Variants in FAM167A observed in about 807,000 individuals in gnomAD.
FAM167A encodes protein FAM167A.
A neutral mutation model predicts 14.9 loss-of-function variants in FAM167A; 23 were observed. That is an observed-to-expected ratio of 1.55 (90% CI 1.11 to 2.19). FAM167A has a LOEUF of 2.19. FAM167A is among the 30% of genes most tolerant of loss of function. The pLI is 0.00. For missense variants in FAM167A, 401 were observed against 281.5 expected (o/e 1.42, Z -3.04); for synonymous variants, 174 against 117.7 (o/e 1.48, Z -3.10).
At chr8:11,443,964 C>G in intron 2 of FAM167A, 67 bp downstream of exon 2, 3 of 1,535,808 alleles carry the variant, frequency 2.0e-6, no homozygotes, top group African/African-American at 1.4e-5. Flanking sequence ...CAGAGAGAGA[C>G]AGAAAAAGAC....
intron 2 of FAM167A, among the ~76,000 whole-genome samples, chr8:11,428,110 C>A (rs555394637): frequency 7.5e-5 from 10 of 134,158 alleles, no homozygotes; most frequent in African/African-American, 3.1e-4. Flanking sequence ...AAACTAGGAA[C>A]CCTATGGTTT....
At chr8:11,464,623 C>T (rs1448896964) in intron 1 of FAM167A, among the ~76,000 whole-genome samples, 3 of 152,340 alleles carry the variant, frequency 2.0e-5, no homozygotes, top group East Asian at 3.9e-4. Context: ...GCGTGCTCTC[C>T]CACCCCTGGT....
At position 11,421,616 on chromosome 8, in the gene FAM167A, T is replaced by C. The variant is rs537421526; in HGVS notation, c.*2757A>G. ...AATAGCACTTGGTATTGCTACAGGGTGTGGGTCTTGAACTCGGTCAGGCAT... is the reference window on the plus strand; with the variant it reads ...AATAGCACTTGGTATTGCTACAGGGCGTGGGTCTTGAACTCGGTCAGGCAT... On this transcript the variant is annotated 3_prime_UTR_variant, in exon 3 of 3. Coordinates refer to ENST00000284486, the MANE Select transcript of FAM167A (RefSeq NM_053279.3). 5.0e-6 allele frequency: 2 copies of C among 398,468 alleles called. No individual in the cohort carries two copies. Among genetic ancestry groups the C allele is most frequent in the African/African-American group, 2.1e-5 (1 of 48,746 alleles). The allele number at this position is 398,468 out of a possible 1,614,324, so 24.7% of individuals were successfully genotyped here.
intron 1 of FAM167A, among the ~76,000 whole-genome samples, chr8:11,452,332 T>C (rs1389252104): frequency 1.3e-5 from 2 of 152,212 alleles, no homozygotes; most frequent in African/African-American, 4.8e-5. Flanking sequence ...CTGTGCAAAA[T>C]GGATACATGC....
rs995589732 is a variant in FAM167A, at chr8:11,462,383, A to G, written c.-398+4243T>C. 4.6e-5 allele frequency among the ~76,000 whole-genome samples: 7 copies of G among 152,330 alleles called. No individual in the cohort carries two copies. The South Asian group carries it at 1.2e-3, about 27-fold the overall frequency. ...AGGATTGTAATGGATCGTACCTCAC[A>G]GTCTTGGAAGGACCAAATGAGATCA... On this transcript the variant is annotated intron_variant, in intron 1 of 2. Coordinates refer to ENST00000284486, the MANE Select transcript of FAM167A (RefSeq NM_053279.3).
intron 2 of FAM167A, among the ~76,000 whole-genome samples, chr8:11,435,551 G>A (rs527570886): frequency 9.9e-5 from 15 of 152,278 alleles, no homozygotes; most frequent in Non-Finnish European, 1.6e-4. Context: ...TGTCTCCACG[G>A]CTGGGACAGT....
At chr8:11,428,372 G>A (rs138247169) in intron 2 of FAM167A, among the ~76,000 whole-genome samples, 7 of 152,282 alleles carry the variant, frequency 4.6e-5, no homozygotes, top group Admixed American at 3.3e-4. Flanking sequence ...AGTAAGGCCT[G>A]TGTCAGTTTC....
intron 1 of FAM167A, chr8:11,445,373 G>A (rs1208335569): frequency 3.0e-6 from 3 of 985,934 alleles, no homozygotes; most frequent in East Asian, 1.1e-4. Context: ...CTACATCCAG[G>A]TCTTACTCTA....
At chr8:11,453,342 A>G (rs1807100655) in intron 1 of FAM167A, among the ~76,000 whole-genome samples, 1 of 152,204 alleles carries the variant, frequency 6.6e-6, no homozygotes, top group South Asian at 2.1e-4. Flanking sequence ...CTGACTCTAA[A>G]TAACATTTTA....
chr8:11,442,665 G>A (rs1263733595), intron 2 of FAM167A, among the ~76,000 whole-genome samples: 1 of 151,906 alleles, frequency 6.6e-6, no homozygotes, highest in Non-Finnish European at 1.5e-5. Context: ...CTGTCCTGGG[G>A]CACTGTGCAT....
At chr8:11,427,213 C>A (rs977290194) in intron 2 of FAM167A, among the ~76,000 whole-genome samples, 1 of 152,178 alleles carries the variant, frequency 6.6e-6, no homozygotes. Context: ...CCTTGATGGG[C>A]CTCACAGCCA....
upstream of FAM167A, among the ~76,000 whole-genome samples, chr8:11,469,662 T>C (rs766544646): frequency 2.6e-5 from 4 of 151,876 alleles, no homozygotes; most frequent in South Asian, 2.1e-4. Context: ...AGCCCAGGAA[T>C]TGGAGACCAG....
rs1563349893 is a variant in FAM167A, at chr8:11,422,348, T to C, written c.*2025A>G. 6.9e-6 allele frequency: 1 copy of C among 145,354 alleles called. No homozygotes were observed. The highest frequency in any genetic ancestry group is 2.6e-5 in the African/African-American group (1 of 38,514). The allele number at this position is 145,354 out of a possible 1,614,324, so 9.0% of individuals were successfully genotyped here. On this transcript the variant is annotated 3_prime_UTR_variant, in exon 3 of 3. Coordinates refer to ENST00000284486, the MANE Select transcript of FAM167A (RefSeq NM_053279.3). ...GGGTTCAAGGATGTTTATGGCATGT[T>C]CTCTGTCGTGTGTGTGTGTGTGGGG...
rs757880277 is a variant in FAM167A at position 11,444,672 on chromosome 8, C to G, written c.-261G>C. On this transcript the variant is annotated 5_prime_UTR_variant, in exon 2 of 3. Transcript: ENST00000284486. ...TGTGGGTGCCATGCTCCACAGAAGG[C>G]AGGAACAGACAGCGTCGCAGGAATC... 1.6e-6 allele frequency: 2 copies of G among 1,252,870 alleles called. No individual in the cohort carries two copies. Among genetic ancestry groups the G allele is most frequent in the Non-Finnish European group, 1.0e-6 (1 of 997,554 alleles). 77.6% of individuals were successfully genotyped at this position (1,252,870 alleles called of 1,614,324 possible).
At chr8:11,456,214 TGAGTGTGA>T (rs1563387139) in intron 1 of FAM167A, among the ~76,000 whole-genome samples, 1 of 94,632 alleles carries the variant, frequency 1.1e-5, no homozygotes, top group African/African-American at 4.1e-5. Context: ...CCTTGCTGTG[TGAGTGTGA>T]GTGAGTGTGG....
intron 2 of FAM167A, among the ~76,000 whole-genome samples, chr8:11,427,595 T>C (rs1805269767): frequency 1.3e-5 from 2 of 152,342 alleles, no homozygotes; most frequent in South Asian, 2.1e-4. Flanking sequence ...AGGTTTATAA[T>C]AGAGCACATT....
intron 1 of FAM167A, among the ~76,000 whole-genome samples, chr8:11,456,699 G>T (rs1246696296): frequency 1.3e-5 from 2 of 151,696 alleles, no homozygotes; most frequent in South Asian, 4.2e-4. Context: ...CATGTGCAGA[G>T]CTGTTAGGGA....
chr8:11,464,339 ACACGGCCCTCGGTGGCAG>A, intron 1 of FAM167A, among the ~76,000 whole-genome samples: 1 of 152,144 alleles, frequency 6.6e-6, no homozygotes, highest in African/African-American at 2.4e-5. Context: ...CATCCTGGCA[ACACGGCCCTCGGTGGCAG>A]CTCAGACTCT....
At chr8:11,472,656 T>C (rs1807997108) in intron 1 of FAM167A, among the ~76,000 whole-genome samples, 1 of 152,174 alleles carries the variant, frequency 6.6e-6, no homozygotes. Context: ...TAAGCAGTCC[T>C]CTCACCCAGT....
Sources: gnomAD v4.1 joint callset for allele counts (sites outside exome capture counted in the v4.1 genomes callset) on GRCh38, gnomAD v4.1.1 for gene constraint, MANE v1.5 for transcripts, NCBI Gene and HGNC (gene_info 2026-07-23, HGNC 2026-07-21) for gene names.